KCTD1: variants seen among roughly 807,000 people sequenced by gnomAD.
KCTD1 encodes BTB/POZ domain-containing protein KCTD1.
KCTD1 carries 24 observed loss-of-function variants against 66.0 expected under a neutral mutation model. That is an observed-to-expected ratio of 0.36 (90% CI 0.26 to 0.51). KCTD1 has a LOEUF of 0.51. Ranked by LOEUF, KCTD1 falls within the 20% of genes least tolerant of loss-of-function variation. The pLI, the probability that KCTD1 is intolerant of heterozygous loss-of-function variation, is 0.95. For synonymous variants in KCTD1, 511 were observed against 517.2 expected (o/e 0.99, Z 0.16); for missense variants, 943 against 1,205.2 (o/e 0.78, Z 3.22).
chr18:26,511,789 G>A (rs1057423093), intron 1 of KCTD1, among the ~76,000 whole-genome samples: 1 of 152,134 alleles, frequency 6.6e-6, no homozygotes, highest in African/African-American at 2.4e-5. Flanking sequence ...GGAGAGATTT[G>A]CCTTGTTCCT....
At chr18:26,507,342 A>G (rs903439193) in intron 1 of KCTD1, among the ~76,000 whole-genome samples, 7 of 152,110 alleles carry the variant, frequency 4.6e-5, no homozygotes, top group Admixed American at 1.3e-4. Context: ...TGTGATGGAG[A>G]AGCAGGAGTA....
chr18:26,502,621 A>G lies in KCTD1; in HGVS notation c.1810-1371T>C, dbSNP rs542272196. On this transcript the variant is annotated intron_variant, in intron 1 of 4. Coordinates refer to ENST00000580059, the MANE Select transcript of KCTD1 (RefSeq NM_001142730.3). Reference sequence around the variant, plus strand: ...GCCCAAACCACAGACAAGTAAAGATAGGTCTCTGGTATTCAATGAAGGGGT... The same window carrying G: ...GCCCAAACCACAGACAAGTAAAGATGGGTCTCTGGTATTCAATGAAGGGGT... 2.0e-5 allele frequency among the ~76,000 whole-genome samples: 3 copies of G among 152,356 alleles called. No individual in the cohort carries two copies. In the South Asian group the frequency reaches 6.2e-4, roughly 32 times the overall value.
At chr18:26,587,190 ACT>A (rs1381446177) in intron 1 of KCTD1, among the ~76,000 whole-genome samples, 1 of 152,162 alleles carries the variant, frequency 6.6e-6, no homozygotes, top group Non-Finnish European at 1.5e-5. Flanking sequence ...CTCATTTATA[ACT>A]CTGAAAATTG....
At chr18:26,633,310 A>G (rs1030029850), upstream of KCTD1, among the ~76,000 whole-genome samples, 1 of 152,190 alleles carries the variant, frequency 6.6e-6, no homozygotes, top group Non-Finnish European at 1.5e-5. Context: ...CCATAAACAA[A>G]AATACATTCC....
upstream of KCTD1, among the ~76,000 whole-genome samples, chr18:26,629,721 C>T (rs528702644): frequency 3.2e-4 from 32 of 101,196 alleles, no homozygotes; most frequent in South Asian, 1.6e-3. Context: ...TTGACCCCCC[C>T]GCCTTTTTTT....
chr18:26,472,946 T>G lies in KCTD1; in HGVS notation c.2133+3569A>C, dbSNP rs529746688. On this transcript the variant is annotated intron_variant, in intron 3 of 4. Coordinates refer to ENST00000580059, the MANE Select transcript of KCTD1 (RefSeq NM_001142730.3). ...GCTGTCTAAACCCAATCAGTCCCCT[T>G]GATCATGTCTGAGAGTGTGTGACCC... 2.6e-5 allele frequency among the ~76,000 whole-genome samples: 4 copies of G among 152,348 alleles called. No homozygotes were observed. In the South Asian group the frequency reaches 6.2e-4, roughly 24 times the overall value.
upstream of KCTD1, among the ~76,000 whole-genome samples, chr18:26,551,392 GT>G (rs1985562121): frequency 6.6e-6 from 1 of 152,092 alleles, no homozygotes; most frequent in Non-Finnish European, 1.5e-5. Flanking sequence ...TGCTTGGACA[GT>G]TTGCAAACAA....
intron 1 of KCTD1, among the ~76,000 whole-genome samples, chr18:26,647,987 C>T (rs965884687): frequency 5.3e-5 from 8 of 152,054 alleles, no homozygotes; most frequent in East Asian, 1.9e-4. Context: ...GGATTACAGG[C>T]GTGCACCACC....
intron 1 of KCTD1, chr18:26,575,334 C>T (rs1986199840): frequency 6.6e-6 from 1 of 152,160 alleles, no homozygotes. Flanking sequence ...AAATGCAGAG[C>T]GCCGCGCCAA....
chr18:26,590,548 G>C (rs558566), intron 1 of KCTD1, among the ~76,000 whole-genome samples: 36,448 of 151,856 alleles, frequency 0.24, 4,500 homozygotes, highest in East Asian at 0.35. Flanking sequence ...TGGTTGTTTT[G>C]TTTTAGCAAG....
chr18:26,502,206 C>T (rs1383761518), intron 1 of KCTD1, among the ~76,000 whole-genome samples: 6 of 152,218 alleles, frequency 3.9e-5, no homozygotes, highest in African/African-American at 7.2e-5. Flanking sequence ...TCCGCCACCA[C>T]GCCCAGCTAA....
intron 1 of KCTD1, among the ~76,000 whole-genome samples, chr18:26,622,087 T>C (rs1987398377): frequency 6.6e-6 from 1 of 152,192 alleles, no homozygotes; most frequent in African/African-American, 2.4e-5. Flanking sequence ...ATTTTTCTTA[T>C]TTGCAAAACA....
At chr18:26,570,127 A>G (rs981408321) in intron 1 of KCTD1, among the ~76,000 whole-genome samples, 1 of 151,274 alleles carries the variant, frequency 6.6e-6, no homozygotes, top group Non-Finnish European at 1.5e-5. Flanking sequence ...GGGAGGTTGC[A>G]GTGAGATGAA....
rs776923644 is a variant in KCTD1 at position 26,570,191 on chromosome 18, A to AAATATAT, written c.-16+58955_-16+58956insATATATT. Among the ~76,000 whole-genome samples, 299 of 132,520 alleles carry AAATATAT rather than the reference A, an allele frequency of 2.3e-3. 4 individuals are homozygous for AAATATAT. Among genetic ancestry groups the AAATATAT allele is most frequent in the African/African-American group, 6.7e-3 (251 of 37,658 alleles). 86.9% of individuals were successfully genotyped at this position (132,520 alleles called of 152,430 possible). On this transcript the variant is annotated intron_variant, in intron 1 of 4. Transcript: ENST00000317932. ...ACAGAGCAAGACTCCATCTAAAAAA[A>AAATATAT]ATATATATATATATATATATATATG...
chr18:26,596,587 C>T (rs1986771462), intron 1 of KCTD1, among the ~76,000 whole-genome samples: 1 of 152,214 alleles, frequency 6.6e-6, no homozygotes, highest in South Asian at 2.1e-4. Flanking sequence ...GCTTTGAATT[C>T]AGATAGATTT....
At chr18:26,585,731 A>G (rs1476904061) in intron 1 of KCTD1, among the ~76,000 whole-genome samples, 1 of 152,274 alleles carries the variant, frequency 6.6e-6, no homozygotes, top group Non-Finnish European at 1.5e-5. Flanking sequence ...ATTTTAAAAA[A>G]GACAAAATTG....
intron 1 of KCTD1, among the ~76,000 whole-genome samples, chr18:26,639,609 A>G (rs1987793108): frequency 1.3e-5 from 2 of 152,290 alleles, no homozygotes; most frequent in South Asian, 4.2e-4. Flanking sequence ...TATCAATAAC[A>G]TTATTGTATT....
intron 1 of KCTD1, among the ~76,000 whole-genome samples, chr18:26,502,629 G>C (rs780574690): frequency 2.0e-4 from 30 of 152,134 alleles, no homozygotes; most frequent in Non-Finnish European, 7.3e-5. Flanking sequence ...ATAGGTCTCT[G>C]GTATTCAATG....
intron 1 of KCTD1, among the ~76,000 whole-genome samples, chr18:26,502,224 T>C (rs1455607356): frequency 1.3e-5 from 2 of 152,228 alleles, no homozygotes; most frequent in Non-Finnish European, 2.9e-5. Context: ...TAATTTTTTG[T>C]ATTTTTAGTA....
Sources: gnomAD v4.1 joint callset for allele counts (sites outside exome capture counted in the v4.1 genomes callset) on GRCh38, gnomAD v4.1.1 for gene constraint, MANE v1.5 for transcripts, NCBI Gene and HGNC (gene_info 2026-07-23, HGNC 2026-07-21) for gene names.